The following COMMD1 variants were observed in gnomAD, a reference collection of about 807,000 sequenced individuals.
COMMD1 encodes COMM domain-containing protein 1.
In COMMD1, 10 loss-of-function variants were observed where a neutral mutation model predicts 17.2. That is an observed-to-expected ratio of 0.58 (90% CI 0.36 to 0.99). COMMD1 has a LOEUF of 0.99. COMMD1 is among the 50% of genes least tolerant of loss of function. The pLI, the probability that COMMD1 is intolerant of heterozygous loss-of-function variation, is 0.01. For synonymous variants in COMMD1, 97 were observed against 91.6 expected, an observed-to-expected ratio of 1.06 and a Z score of -0.34; for missense variants, 270 against 231.8, an observed-to-expected ratio of 1.17 and a Z score of -1.07.
At chr2:61,971,930 T>G (rs1328160349) in intron 1 of COMMD1, among the ~76,000 whole-genome samples, 2 of 152,026 alleles carry the variant, frequency 1.3e-5, no homozygotes, top group Non-Finnish European at 1.5e-5. Flanking sequence ...AGACCAGCCT[T>G]GGCAATATAG....
At chr2:62,009,331 A>G (rs1010487941) in intron 2 of COMMD1, among the ~76,000 whole-genome samples, 2 of 151,820 alleles carry the variant, frequency 1.3e-5, no homozygotes, top group African/African-American at 4.8e-5. Flanking sequence ...AAGACTGGGC[A>G]TGGTGGCTCA....
rs185654960 is a variant in COMMD1 at position 62,007,639 on chromosome 2, T to C, written c.462+6657T>C. ...TGTTGCAGTTGCCTACAGTATTCAG[T>C]ACAGTAATGCCCTGTACAGGTTTAT... is the stretch of plus-strand genomic sequence containing the variant. On this transcript the variant is annotated intron_variant, in intron 2 of 2. Transcript: ENST00000311832. Among the ~76,000 whole-genome samples, 3 of 152,316 alleles carry C rather than the reference T, an allele frequency of 2.0e-5. No individual in the cohort carries two copies. In the East Asian group the frequency reaches 5.8e-4, roughly 29 times the overall value.
intron 2 of COMMD1, among the ~76,000 whole-genome samples, chr2:62,003,605 T>TACACACACACAC (rs57628894): frequency 7.7e-4 from 113 of 146,258 alleles, no homozygotes; most frequent in South Asian, 2.7e-3. Flanking sequence ...CAGATATTTT[T>TACACACACACAC]ACACACACAC....
At chr2:62,055,513 A>G (rs542307648) in intron 2 of COMMD1, 244 of 454,922 alleles carry the variant, frequency 5.4e-4, no homozygotes, top group African/African-American at 4.6e-3. Flanking sequence ...CATTGAAGCC[A>G]TGAAACCTTC....
intron 1 of COMMD1, among the ~76,000 whole-genome samples, chr2:61,976,154 G>C (rs959068836): frequency 1.3e-5 from 2 of 149,876 alleles, no homozygotes; most frequent in Non-Finnish European, 3.0e-5. Context: ...TGCATACTAG[G>C]GTAGCTTTAA....
At chr2:61,915,671 T>C (rs1372224727) in intron 1 of COMMD1, 1 of 453,444 alleles carries the variant, frequency 2.2e-6, no homozygotes, top group South Asian at 1.6e-5. Context: ...TTTATTTTTA[T>C]CTTTTTTTAG....
intron 2 of COMMD1, among the ~76,000 whole-genome samples, chr2:62,028,731 A>G (rs1455726024): frequency 1.3e-5 from 2 of 152,234 alleles, no homozygotes; most frequent in Non-Finnish European, 2.9e-5. Flanking sequence ...AATACATTTC[A>G]TTAATGAGAT....
chr2:62,049,026 A>G (rs1302612089), intron 2 of COMMD1, among the ~76,000 whole-genome samples: 1 of 152,178 alleles, frequency 6.6e-6, no homozygotes, highest in Non-Finnish European at 1.5e-5. Flanking sequence ...GTATTTTTCT[A>G]GTTAAAATGG....
chr2:62,044,736 G>A (rs933830452), intron 2 of COMMD1, among the ~76,000 whole-genome samples: 1 of 151,576 alleles, frequency 6.6e-6, no homozygotes, highest in Admixed American at 6.6e-5. Context: ...TACATTAATG[G>A]GATGCATTCC....
intron 2 of COMMD1, among the ~76,000 whole-genome samples, chr2:62,103,291 A>G (rs1274615209): frequency 1.3e-5 from 2 of 152,276 alleles, no homozygotes; most frequent in South Asian, 4.1e-4. Context: ...TCGTATTTCT[A>G]TACCTCTTCC....
At chr2:61,949,513 G>A (rs1411461776) in intron 1 of COMMD1, among the ~76,000 whole-genome samples, 3 of 152,166 alleles carry the variant, frequency 2.0e-5, no homozygotes, top group East Asian at 1.9e-4. Context: ...GGATGCAATA[G>A]GTGTTCCCAA....
intron 2 of COMMD1, among the ~76,000 whole-genome samples, chr2:62,059,604 T>TG (rs1217101836): frequency 6.6e-6 from 1 of 152,240 alleles, no homozygotes; most frequent in Non-Finnish European, 1.5e-5. Context: ...GTTGCCTGGC[T>TG]GGAGTGCAGT....
At chr2:61,893,810 C>CAAA (rs113358661) in intron 1 of COMMD1, among the ~76,000 whole-genome samples, 1 of 111,034 alleles carries the variant, frequency 9.0e-6, no homozygotes, top group Non-Finnish European at 1.9e-5. Context: ...ACCTCCATCT[C>CAAA]AAAAAAAAAA....
At chr2:61,966,510 C>T (rs1330493429) in intron 1 of COMMD1, among the ~76,000 whole-genome samples, 1 of 151,966 alleles carries the variant, frequency 6.6e-6, no homozygotes, top group Non-Finnish European at 1.5e-5. Flanking sequence ...ATGAATTTGC[C>T]TTTAAAATGT....
chr2:62,001,583 G>C (rs548366794), intron 2 of COMMD1, among the ~76,000 whole-genome samples: 32 of 152,178 alleles, frequency 2.1e-4, no homozygotes, highest in African/African-American at 7.5e-4. Flanking sequence ...TTGTGTTCCA[G>C]ATGACTGCCA....
At chr2:62,002,856 A>T (rs1668990094) in intron 2 of COMMD1, among the ~76,000 whole-genome samples, 1 of 152,052 alleles carries the variant, frequency 6.6e-6, no homozygotes, top group African/African-American at 2.4e-5. Flanking sequence ...TTGCAAAAAA[A>T]AAATTTAAAT....
chr2:62,000,208 G>C (rs1668886356), intron 1 of COMMD1, among the ~76,000 whole-genome samples: 1 of 151,670 alleles, frequency 6.6e-6, no homozygotes, highest in African/African-American at 2.4e-5. Context: ...ACAGGTGTGA[G>C]CCACTGTACC....
At chr2:62,060,777 TTGTTTG>T (rs1157359005) in intron 2 of COMMD1, among the ~76,000 whole-genome samples, 1 of 152,216 alleles carries the variant, frequency 6.6e-6, no homozygotes, top group Non-Finnish European at 1.5e-5. Context: ...AACAGTTTTG[TTGTTTG>T]TCTTCAGCAA....
At chr2:62,107,679 C>G (rs1002669176) in intron 2 of COMMD1, among the ~76,000 whole-genome samples, 2 of 152,138 alleles carry the variant, frequency 1.3e-5, no homozygotes, top group African/African-American at 4.8e-5. Flanking sequence ...GCTTTGAAAG[C>G]CTTGACCACC....
Sources: allele counts gnomAD v4.1 joint callset (sites outside exome capture counted in the v4.1 genomes callset), GRCh38; gene constraint gnomAD v4.1.1; transcripts MANE v1.5; gene names NCBI Gene and HGNC (gene_info 2026-07-23, HGNC 2026-07-21).